MTX2: variants seen among roughly 807,000 people sequenced by gnomAD.
MTX2 encodes metaxin 2, also known as metaxin-2.
MTX2 carries 35 observed loss-of-function variants against 42.3 expected under a neutral mutation model. The observed-to-expected ratio is 0.83, with a 90% confidence interval of 0.63 to 1.10. The LOEUF is 1.10. MTX2 is among the 50% of genes least tolerant of loss of function. The pLI is 0.00. For missense variants in MTX2, 307 were observed against 304.1 expected (o/e 1.01, Z -0.07); for synonymous variants, 119 against 100.9 (o/e 1.18, Z -1.08).
chr2:176,279,312 T>C (rs991074379), intron 1 of MTX2, among the ~76,000 whole-genome samples: 1 of 152,174 alleles, frequency 6.6e-6, no homozygotes, highest in African/African-American at 2.4e-5. Context: ...TTTAGAGCAC[T>C]AATCAGAACT....
chr2:176,302,404 G>A (rs1476604094), intron 3 of MTX2, among the ~76,000 whole-genome samples: 1 of 152,042 alleles, frequency 6.6e-6, no homozygotes, highest in Non-Finnish European at 1.5e-5. Context: ...TATTTCTGTT[G>A]AATGTAGTAT....
intron 3 of MTX2, among the ~76,000 whole-genome samples, chr2:176,314,941 G>A (rs898716748): frequency 1.3e-5 from 2 of 152,174 alleles, no homozygotes; most frequent in African/African-American, 4.8e-5. Flanking sequence ...GACATCTGTA[G>A]TTCTTCTCAT....
chr2:176,310,204 T>G (rs985521428), intron 3 of MTX2, among the ~76,000 whole-genome samples: 7 of 152,036 alleles, frequency 4.6e-5, no homozygotes, highest in Non-Finnish European at 1.0e-4. Flanking sequence ...TGTTGAAAAT[T>G]CTTTTCTTTA....
At chr2:176,274,667 G>A (rs1692904144) in intron 1 of MTX2, among the ~76,000 whole-genome samples, 1 of 152,192 alleles carries the variant, frequency 6.6e-6, no homozygotes, top group South Asian at 2.1e-4. Context: ...GGAGCCGGGG[G>A]AGATCCAGGA....
chr2:176,292,798 C>G (rs1016325960), intron 1 of MTX2, among the ~76,000 whole-genome samples: 3 of 151,988 alleles, frequency 2.0e-5, no homozygotes, highest in African/African-American at 7.2e-5. Context: ...GTTATTTTTT[C>G]AGTAATTTGC....
At chr2:176,303,168 A>C (rs1684065530) in intron 3 of MTX2, among the ~76,000 whole-genome samples, 1 of 152,188 alleles carries the variant, frequency 6.6e-6, no homozygotes, top group Non-Finnish European at 1.5e-5. Flanking sequence ...TGTAAATAGA[A>C]GTAGGATGAC....
chr2:176,281,806 G>A (rs776313897), intron 1 of MTX2, among the ~76,000 whole-genome samples: 1 of 152,054 alleles, frequency 6.6e-6, no homozygotes. Flanking sequence ...AGAGTAGTGC[G>A]GGTGGTTTTG....
intron 3 of MTX2, among the ~76,000 whole-genome samples, chr2:176,299,204 A>AG (rs1459258029): frequency 6.6e-6 from 1 of 152,096 alleles, no homozygotes; most frequent in Admixed American, 6.6e-5. Flanking sequence ...GGTAGATGCC[A>AG]GAGATGCTGC....
At chr2:176,309,033 C>G (rs1315286168) in intron 3 of MTX2, among the ~76,000 whole-genome samples, 1 of 152,154 alleles carries the variant, frequency 6.6e-6, no homozygotes, top group Non-Finnish European at 1.5e-5. Context: ...GCATTTAGTG[C>G]TATAAATTTC....
chr2:176,288,757 A>G (rs1318452703), intron 1 of MTX2, among the ~76,000 whole-genome samples: 1 of 151,940 alleles, frequency 6.6e-6, no homozygotes. Context: ...TCTGGAAATT[A>G]TGTCTTCACC....
intron 2 of MTX2, 150 bp downstream of exon 2, chr2:176,297,057 T>G: frequency 2.4e-6 from 2 of 838,268 alleles, no homozygotes. Context: ...TACCTGAACT[T>G]GTATCTGCCA....
intron 3 of MTX2, among the ~76,000 whole-genome samples, chr2:176,320,827 T>C (rs1336226348): frequency 6.6e-6 from 1 of 151,998 alleles, no homozygotes; most frequent in Non-Finnish European, 1.5e-5. Flanking sequence ...CTTGAGTAGC[T>C]GAGACTAAAG....
chr2:176,319,706 G>T (rs566298216), intron 3 of MTX2, among the ~76,000 whole-genome samples: 17 of 152,092 alleles, frequency 1.1e-4, no homozygotes, highest in African/African-American at 4.1e-4. Context: ...CTTCTGAGTA[G>T]CTGGGACTAC....
At chr2:176,331,741 C>G (rs962813910) in intron 9 of MTX2, among the ~76,000 whole-genome samples, 4 of 151,240 alleles carry the variant, frequency 2.6e-5, no homozygotes, top group Non-Finnish European at 4.5e-5. Flanking sequence ...TCTACAGATT[C>G]TATTTTTCAG....
Position 176,280,882 on chromosome 2 carries a change from A to C in MTX2, c.40+11213A>C, listed in dbSNP as rs536660630. ...TCTAAGGAGAGCGTCATGGACAAGG[A>C]TAGTGTCCTGGGCTGATCCAGACAG... is the stretch of plus-strand genomic sequence containing the variant. On this transcript the variant is annotated intron_variant, in intron 1 of 9. Coordinates refer to ENST00000249442, the MANE Select transcript of MTX2 (RefSeq NM_006554.5). Among the ~76,000 whole-genome samples the C allele has an allele frequency of 9.8e-5, 15 of 152,362 alleles. No homozygotes were observed. In the South Asian group the frequency reaches 2.7e-3, roughly 27 times the overall value.
At chr2:176,337,290 C>T (rs554025701) in intron 9 of MTX2, among the ~76,000 whole-genome samples, 1 of 152,280 alleles carries the variant, frequency 6.6e-6, no homozygotes, top group East Asian at 1.9e-4. Context: ...AGTCCGCCCA[C>T]CTCAGCCTCC....
chr2:176,334,770 T>A (rs947532037), intron 9 of MTX2, among the ~76,000 whole-genome samples: 2 of 152,026 alleles, frequency 1.3e-5, no homozygotes, highest in African/African-American at 4.8e-5. Context: ...GCTACTTCAG[T>A]TCCTTAGATA....
chr2:176,293,859 G>A (rs1263988906), intron 1 of MTX2, among the ~76,000 whole-genome samples: 2 of 152,178 alleles, frequency 1.3e-5, no homozygotes, highest in Non-Finnish European at 2.9e-5. Flanking sequence ...CTGCTCATAG[G>A]TAAGATAGGC....
intron 3 of MTX2, among the ~76,000 whole-genome samples, chr2:176,311,981 G>A (rs1015931444): frequency 1.2e-4 from 18 of 152,270 alleles, no homozygotes; most frequent in Admixed American, 7.2e-4. Flanking sequence ...CATCTTCTGC[G>A]TTGATCATGC....
Sources: gnomAD v4.1 joint callset for allele counts (sites outside exome capture counted in the v4.1 genomes callset) on GRCh38, gnomAD v4.1.1 for gene constraint, MANE v1.5 for transcripts, NCBI Gene and HGNC (gene_info 2026-07-23, HGNC 2026-07-21) for gene names.